PTPRD: variants seen among roughly 807,000 people sequenced by gnomAD.
The protein encoded by PTPRD is protein tyrosine phosphatase receptor type D, also known as receptor-type tyrosine-protein phosphatase delta.
PTPRD carries 34 observed loss-of-function variants against 214.5 expected under a neutral mutation model. The observed-to-expected ratio is 0.16, with a 90% confidence interval of 0.12 to 0.21. PTPRD has a LOEUF of 0.21. PTPRD is among the 10% of genes least tolerant of loss of function. PTPRD has a pLI of 1.00. For missense variants in PTPRD, 2,545 were observed against 2,398.7 expected (o/e 1.06, Z -1.27); for synonymous variants, 1,128 against 845.7 (o/e 1.33, Z -5.79).
At chr9:8,350,348 G>A (rs371428986) in intron 39 of PTPRD, among the ~76,000 whole-genome samples, 2 of 152,106 alleles carry the variant, frequency 1.3e-5, no homozygotes, top group South Asian at 4.1e-4. Context: ...TTAGTTGGGT[G>A]CCAAGACAGT....
intron 3 of PTPRD, among the ~76,000 whole-genome samples, chr9:10,289,986 G>C (rs934245621): frequency 1.2e-4 from 19 of 152,102 alleles, no homozygotes; most frequent in African/African-American, 4.6e-4. Context: ...AAATTTAAAA[G>C]TTGGCATTTT....
chr9:8,497,925 C>A (rs953321764), intron 25 of PTPRD, among the ~76,000 whole-genome samples: 5 of 152,198 alleles, frequency 3.3e-5, no homozygotes, highest in Non-Finnish European at 7.3e-5. Flanking sequence ...GCACACTGGT[C>A]ATATTGTTTT....
At chr9:8,885,929 C>T (rs565176475) in intron 11 of PTPRD, among the ~76,000 whole-genome samples, 3 of 152,282 alleles carry the variant, frequency 2.0e-5, no homozygotes, top group East Asian at 3.9e-4. Context: ...TTTTTCACTG[C>T]CACATTCTTA....
At chr9:9,855,164 T>C (rs1354695190) in intron 5 of PTPRD, among the ~76,000 whole-genome samples, 1 of 152,220 alleles carries the variant, frequency 6.6e-6, no homozygotes, top group African/African-American at 2.4e-5. Context: ...GTAGCCTTTC[T>C]TCTTTTACAA....
intron 8 of PTPRD, among the ~76,000 whole-genome samples, chr9:9,474,555 A>C (rs532255033): frequency 6.6e-6 from 1 of 152,186 alleles, no homozygotes; most frequent in Admixed American, 6.5e-5. Flanking sequence ...TAAAAATATT[A>C]ATTCTTCTAG....
chr9:10,495,980 C>T (rs1034686682), intron 2 of PTPRD, among the ~76,000 whole-genome samples: 3 of 151,470 alleles, frequency 2.0e-5, no homozygotes, highest in Non-Finnish European at 3.0e-5. Context: ...TTCATAACAT[C>T]AATGATATGT....
intron 5 of PTPRD, among the ~76,000 whole-genome samples, chr9:9,800,388 T>C (rs2099031356): frequency 6.6e-6 from 1 of 152,162 alleles, no homozygotes; most frequent in Admixed American, 6.6e-5. Flanking sequence ...CTGTATTTAA[T>C]ATTTCATAAA....
chr9:8,895,669 A>G (rs2098603450), intron 11 of PTPRD, among the ~76,000 whole-genome samples: 1 of 152,152 alleles, frequency 6.6e-6, no homozygotes, highest in Admixed American at 6.6e-5. Flanking sequence ...CAGGTTTTTA[A>G]TCCATGTCAC....
chr9:10,159,598 G>T (rs1262721415), intron 3 of PTPRD, among the ~76,000 whole-genome samples: 3 of 151,928 alleles, frequency 2.0e-5, no homozygotes, highest in Non-Finnish European at 2.9e-5. Flanking sequence ...AGGAAACTCA[G>T]TGATCTCCCA....
chr9:10,280,657 G>A (rs1564991533), intron 3 of PTPRD, among the ~76,000 whole-genome samples: 1 of 152,084 alleles, frequency 6.6e-6, no homozygotes, highest in South Asian at 2.1e-4. Flanking sequence ...AGGCTGGAGT[G>A]CTGTGGCACA....
At chr9:9,839,284 A>C (rs1226721483) in intron 5 of PTPRD, among the ~76,000 whole-genome samples, 2 of 152,088 alleles carry the variant, frequency 1.3e-5, no homozygotes, top group Admixed American at 1.3e-4. Flanking sequence ...AGATGACATG[A>C]TTGTATATCT....
intron 9 of PTPRD, among the ~76,000 whole-genome samples, chr9:9,390,926 T>C (rs952182533): frequency 2.6e-5 from 4 of 152,200 alleles, no homozygotes; most frequent in Non-Finnish European, 4.4e-5. Context: ...TTGTCATTGA[T>C]AACAAGATTG....
chr9:9,950,891 A>C (rs1401272186), intron 4 of PTPRD, among the ~76,000 whole-genome samples: 4 of 152,160 alleles, frequency 2.6e-5, no homozygotes, highest in Non-Finnish European at 1.5e-5. Flanking sequence ...GTAGCAGCAC[A>C]TAATTTCTGT....
intron 10 of PTPRD, among the ~76,000 whole-genome samples, chr9:9,084,542 A>G (rs1248710200): frequency 6.6e-6 from 1 of 152,126 alleles, no homozygotes; most frequent in African/African-American, 2.4e-5. Flanking sequence ...TCCCAGAATT[A>G]AAGTATAATA....
At chr9:9,918,759 C>T (rs558015463) in intron 5 of PTPRD, among the ~76,000 whole-genome samples, 1 of 152,192 alleles carries the variant, frequency 6.6e-6, no homozygotes, top group African/African-American at 2.4e-5. Flanking sequence ...GTATCTATAG[C>T]CATCTGATTT....
chr9:8,834,747 C>A (rs1453857382), intron 11 of PTPRD, among the ~76,000 whole-genome samples: 1 of 152,188 alleles, frequency 6.6e-6, no homozygotes, highest in East Asian at 1.9e-4. Context: ...CAGACCAAAA[C>A]AATGAGCTGG....
In PTPRD at chr9:10,450,032, C is replaced by T. The variant is rs533914926; in HGVS notation, c.-599-109015G>A. ...CAAGATGTGCTTTGTTAAACAGATG[C>T]TTGAAGGCAGCATGCTCCTTAAGAG... On this transcript the variant is annotated intron_variant, in intron 2 of 45. Coordinates refer to ENST00000381196, the MANE Select transcript of PTPRD (RefSeq NM_002839.4). Among the ~76,000 whole-genome samples the T allele has an allele frequency of 2.6e-5, 4 of 151,654 alleles. No homozygotes were observed. In the South Asian group the frequency reaches 8.3e-4, roughly 31 times the overall value.
intron 3 of PTPRD, among the ~76,000 whole-genome samples, chr9:10,328,212 G>C (rs1171390645): frequency 6.6e-6 from 1 of 151,618 alleles, no homozygotes; most frequent in African/African-American, 2.4e-5. Context: ...TAGTAGCTCA[G>C]AGACACAGAT....
intron 2 of PTPRD, among the ~76,000 whole-genome samples, chr9:10,556,791 C>A (rs535201041): frequency 6.6e-6 from 1 of 151,626 alleles, no homozygotes; most frequent in East Asian, 1.9e-4. Context: ...AAATGTACTG[C>A]GGGAAGATGG....
Sources: gnomAD v4.1 joint callset for allele counts (sites outside exome capture counted in the v4.1 genomes callset) on GRCh38, gnomAD v4.1.1 for gene constraint, MANE v1.5 for transcripts, NCBI Gene and HGNC (gene_info 2026-07-23, HGNC 2026-07-21) for gene names.